TXNRD2: variants seen among roughly 807,000 people sequenced by gnomAD.
TXNRD2 encodes thioredoxin reductase 2, mitochondrial.
Under a neutral mutation model 70.8 loss-of-function variants are expected in TXNRD2, and 67 were observed. The observed-to-expected ratio is 0.95, with a 90% CI of 0.78 to 1.16. The LOEUF is 1.16. Ranked by LOEUF, TXNRD2 falls within the 50% of genes most tolerant of loss-of-function variation. The pLI is 0.00. For synonymous variants in TXNRD2, 301 were observed against 295.8 expected, an observed-to-expected ratio of 1.02 and a Z score of -0.18; for missense variants, 644 against 719.9, an observed-to-expected ratio of 0.89 and a Z score of 1.21.
Position 19,918,310 on chromosome 22 carries a change from T to C in TXNRD2, c.375-93A>G, listed in dbSNP as rs1031605270. 45 of 1,159,048 alleles carry C rather than the reference T, an allele frequency of 3.9e-5. No homozygotes were observed. The African/African-American group carries it at 4.4e-4, about 11-fold the overall frequency. 71.8% of individuals were successfully genotyped at this position (1,159,048 alleles called of 1,614,324 possible). A position where few individuals can be genotyped will look rare whatever the true frequency, so the allele number is the denominator to read the frequency against. On this transcript the variant is annotated intron_variant, in intron 4 of 17. Coordinates refer to ENST00000400521, the MANE Select transcript of TXNRD2 (RefSeq NM_006440.5). The stretch of plus-strand genomic sequence containing the variant: ...CTATTAGATTCAAATGGTACATTCA[T>C]AGAAATATCAAAAAACAAGAGTGCT...
intron 11 of TXNRD2, chr22:19,887,232 A>G (rs1321272339): frequency 6.6e-6 from 1 of 152,214 alleles, no homozygotes; most frequent in African/African-American, 2.4e-5. Context: ...TTTTCTGCAA[A>G]CGACAAGGGC....
chr22:19,934,422 C>T (rs973674013), intron 1 of TXNRD2, among the ~76,000 whole-genome samples: 4 of 148,872 alleles, frequency 2.7e-5, no homozygotes, highest in African/African-American at 9.9e-5. Flanking sequence ...AGTCTGGGTA[C>T]AGTGGCTCAC....
chr22:19,880,247 G>C lies in TXNRD2; in HGVS notation c.1207C>G (p.Leu403Val). The C allele has an allele frequency of 6.2e-7, 1 of 1,613,728 alleles. No individual in the cohort carries two copies. The highest frequency in any genetic ancestry group is 8.5e-7 in the Non-Finnish European group (1 of 1,180,020). ...GACAGCCCCACACAGCCATACTCCA[G>C]CGGGGTGAAGACGGTCGTGGGAACC... ...DNVPTTVFTPLEYGCVGLSEE... is the reference protein window; with the variant it reads ...DNVPTTVFTPVEYGCVGLSEE... The change falls in exon 14 of 18, where the codon CTG becomes GTG. Residue 403 changes from leucine (L) to valine (V), a missense_variant. Leu to Val is a conservative substitution (Grantham distance 32). Around this residue, in one of 3 missense-constraint regions of TXNRD2, gnomAD observed 566 missense variants for 645.0 expected, o/e 0.88. Coordinates refer to ENST00000400521, the MANE Select transcript of TXNRD2 (RefSeq NM_006440.5).
intron 2 of TXNRD2, among the ~76,000 whole-genome samples, chr22:19,926,862 T>C (rs1265708420): frequency 1.3e-5 from 2 of 152,172 alleles, no homozygotes; most frequent in African/African-American, 2.4e-5. Context: ...AGATTAGTGG[T>C]TGCCAGGGGC....
intron 14 of TXNRD2, among the ~76,000 whole-genome samples, chr22:19,878,863 G>T (rs1482919060): frequency 6.6e-6 from 1 of 152,240 alleles, no homozygotes; most frequent in Non-Finnish European, 1.5e-5. Context: ...GCCCTCACTG[G>T]AGCAAGGCCG....
intron 1 of TXNRD2, chr22:19,932,638 A>T: frequency 7.4e-7 from 1 of 1,346,982 alleles, no homozygotes; most frequent in Non-Finnish European, 9.7e-7. Flanking sequence ...GGGTGAGGGC[A>T]GGGTGGGGAC....
At chr22:19,899,554 A>T (rs780199174) in intron 8 of TXNRD2, among the ~76,000 whole-genome samples, 1 of 152,242 alleles carries the variant, frequency 6.6e-6, no homozygotes, top group Non-Finnish European at 1.5e-5. Flanking sequence ...GCGCAGGGCC[A>T]GGAGGGCCAG....
At chr22:19,936,788 T>C (rs796433014) in intron 1 of TXNRD2, among the ~76,000 whole-genome samples, 21 of 152,278 alleles carry the variant, frequency 1.4e-4, no homozygotes, top group African/African-American at 5.1e-4. Flanking sequence ...CAGTTTCTCT[T>C]ATCTATACAT....
chr22:19,904,252 G>A lies in TXNRD2; in HGVS notation c.663-5184C>T, dbSNP rs999663730. Among the ~76,000 whole-genome samples, 7 of 152,204 alleles carry A rather than the reference G, an allele frequency of 4.6e-5. No homozygotes were observed. In the East Asian group the frequency reaches 9.6e-4, roughly 21 times the overall value. On this transcript the variant is annotated intron_variant, in intron 8 of 17. Coordinates refer to ENST00000400521, the MANE Select transcript of TXNRD2 (RefSeq NM_006440.5). ...CAGGAGTTTTCTGAGTTTTCTGCAC[G>A]TCTTCCTCACCCTCCTAGGTTACAA...
intron 11 of TXNRD2, 172 bp downstream of exon 11, chr22:19,895,235 G>C: frequency 6.3e-7 from 1 of 1,595,800 alleles, no homozygotes; most frequent in Non-Finnish European, 8.5e-7. Context: ...CCTAGTGTGA[G>C]TGCCGCCCCA....
chr22:19,910,585 C>T (rs747730790), intron 8 of TXNRD2, among the ~76,000 whole-genome samples: 3 of 152,218 alleles, frequency 2.0e-5, no homozygotes, highest in Non-Finnish European at 4.4e-5. Context: ...AGTAAATCAA[C>T]AGCCCTGCAG....
intron 7 of TXNRD2, among the ~76,000 whole-genome samples, chr22:19,912,752 G>A (rs1473344500): frequency 1.3e-5 from 2 of 152,272 alleles, no homozygotes; most frequent in Non-Finnish European, 2.9e-5. Flanking sequence ...TCTAGAGGCT[G>A]CTGTGGCTGC....
chr22:19,911,269 A>G (rs1187875020), intron 8 of TXNRD2, 108 bp downstream of exon 8: 1 of 931,226 alleles, frequency 1.1e-6, no homozygotes, highest in South Asian at 1.3e-5. Flanking sequence ...TCTTTTGGGT[A>G]AACCGGAAAG....
chr22:19,908,003 G>C (rs1940144195), intron 8 of TXNRD2, among the ~76,000 whole-genome samples: 1 of 114,944 alleles, frequency 8.7e-6, no homozygotes, highest in Non-Finnish European at 1.8e-5. Flanking sequence ...GAGAGTGTGG[G>C]CGCCGTGGGG....
chr22:19,925,057 G>A (rs1256884299), intron 2 of TXNRD2, among the ~76,000 whole-genome samples: 1 of 151,664 alleles, frequency 6.6e-6, no homozygotes, highest in Non-Finnish European at 1.5e-5. Context: ...GGCCAAGGGG[G>A]GCGGATCACA....
intron 8 of TXNRD2, among the ~76,000 whole-genome samples, chr22:19,904,344 G>C (rs1939909917): frequency 6.6e-6 from 1 of 152,248 alleles, no homozygotes; most frequent in African/African-American, 2.4e-5. Context: ...GCTGTTTAGT[G>C]AAGTGCACTG....
chr22:19,895,106 C>T lies in TXNRD2; in HGVS notation c.949+301G>A, dbSNP rs374532774. Reference sequence around the variant, plus strand: ...CGAGGATGATTGCCTAGTTGATCCTCGATGAGGACACCTGGCTGATGCCGT... The same window carrying T: ...CGAGGATGATTGCCTAGTTGATCCTTGATGAGGACACCTGGCTGATGCCGT... On this transcript the variant is annotated intron_variant, in intron 11 of 17. Transcript: ENST00000400521. 225 of 1,598,274 alleles carry T rather than the reference C, an allele frequency of 1.4e-4. 1 individual carries two copies. In the East Asian group the frequency reaches 3.3e-3, roughly 23 times the overall value.
chr22:19,909,586 C>CACCACACACACAA (rs1940238184), intron 8 of TXNRD2, among the ~76,000 whole-genome samples: 1 of 146,620 alleles, frequency 6.8e-6, no homozygotes, highest in Non-Finnish European at 1.5e-5. Flanking sequence ...CACACACACA[C>CACCACACACACAA]ACCACACACA....
intron 11 of TXNRD2, among the ~76,000 whole-genome samples, chr22:19,890,072 G>C (rs1220302628): frequency 2.0e-5 from 3 of 152,214 alleles, no homozygotes; most frequent in Admixed American, 6.5e-5. Context: ...CCAAGCGTGG[G>C]GCACCAGGCT....
Sources: gnomAD v4.1 joint callset for allele counts (sites outside exome capture counted in the v4.1 genomes callset) on GRCh38, gnomAD v4.1.1 for gene constraint, gnomAD v4.1.1 regional missense constraint, MANE v1.5 for transcripts, NCBI Gene and HGNC (gene_info 2026-07-23, HGNC 2026-07-21) for gene names.